Variants in TRABD2B observed in about 807,000 individuals in gnomAD.
TRABD2B encodes metalloprotease TIKI2.
In TRABD2B, 14 loss-of-function variants were observed where a neutral mutation model predicts 40.1. That is an observed-to-expected ratio of 0.35 (90% CI 0.23 to 0.55). TRABD2B has a LOEUF of 0.55. TRABD2B is among the 20% of genes least tolerant of loss of function. The pLI, the probability that TRABD2B is intolerant of heterozygous loss-of-function variation, is 0.90. For missense variants in TRABD2B, 541 were observed against 648.6 expected, an observed-to-expected ratio of 0.83 and a Z score of 1.80; for synonymous variants, 263 against 277.0, an observed-to-expected ratio of 0.95 and a Z score of 0.50.
At chr1:47,890,868 G>A (rs1028066000) in intron 2 of TRABD2B, among the ~76,000 whole-genome samples, 2 of 152,250 alleles carry the variant, frequency 1.3e-5, no homozygotes, top group African/African-American at 2.4e-5. Flanking sequence ...CAGCAGGTAG[G>A]TTGCTGTATT....
At chr1:47,860,216 ACT>A (rs755930915) in intron 2 of TRABD2B, among the ~76,000 whole-genome samples, 15 of 151,252 alleles carry the variant, frequency 9.9e-5, no homozygotes, top group Non-Finnish European at 2.1e-4. Context: ...CTCTCTTAAA[ACT>A]CTCCTTCAAA....
chr1:47,807,572 A>T (rs549078518), intron 2 of TRABD2B, among the ~76,000 whole-genome samples: 3 of 152,208 alleles, frequency 2.0e-5, no homozygotes, highest in Non-Finnish European at 4.4e-5. Flanking sequence ...CCAGTGACAG[A>T]GATGAGAACT....
chr1:47,771,428 C>T (rs142322995), intron 6 of TRABD2B, among the ~76,000 whole-genome samples: 41 of 152,290 alleles, frequency 2.7e-4, no homozygotes, highest in African/African-American at 8.9e-4. Context: ...TAGTCTCTTC[C>T]CTACACCTGG....
intron 2 of TRABD2B, among the ~76,000 whole-genome samples, chr1:47,947,551 G>C (rs945498041): frequency 1.3e-5 from 2 of 152,148 alleles, no homozygotes; most frequent in African/African-American, 2.4e-5. Flanking sequence ...GGCACTCCTA[G>C]AAAGTGTACA....
chr1:47,776,477 G>A (rs1193469463), intron 5 of TRABD2B, among the ~76,000 whole-genome samples: 1 of 152,216 alleles, frequency 6.6e-6, no homozygotes, highest in Non-Finnish European at 1.5e-5. Context: ...TGGCCGACAA[G>A]CAAATAGACC....
chr1:47,883,742 C>T (rs1039406281), intron 2 of TRABD2B, among the ~76,000 whole-genome samples: 3 of 152,350 alleles, frequency 2.0e-5, no homozygotes, highest in African/African-American at 7.2e-5. Flanking sequence ...GGATGGCAAA[C>T]GCAAACCCAC....
chr1:47,805,222 C>G (rs1226032170), intron 2 of TRABD2B, among the ~76,000 whole-genome samples: 1 of 151,946 alleles, frequency 6.6e-6, no homozygotes, highest in Admixed American at 6.5e-5. Context: ...TCCACAGGCA[C>G]AGCCCACATT....
chr1:47,840,497 C>T (rs1645381688), intron 2 of TRABD2B, among the ~76,000 whole-genome samples: 1 of 152,220 alleles, frequency 6.6e-6, no homozygotes, highest in African/African-American at 2.4e-5. Flanking sequence ...TCCTGTCCCT[C>T]CCTGGTCCAC....
intron 2 of TRABD2B, among the ~76,000 whole-genome samples, chr1:47,974,741 G>A (rs982023994): frequency 2.0e-5 from 3 of 152,160 alleles, no homozygotes; most frequent in Non-Finnish European, 2.9e-5. Flanking sequence ...TTTCCAATGT[G>A]TGCAGTATGA....
intron 2 of TRABD2B, among the ~76,000 whole-genome samples, chr1:47,972,243 A>G (rs1015291391): frequency 7.2e-5 from 11 of 152,182 alleles, no homozygotes; most frequent in Non-Finnish European, 1.5e-4. Context: ...CCCACTACCC[A>G]TGGGAGCCAC....
chr1:47,806,124 G>A (rs1396954257), intron 2 of TRABD2B, among the ~76,000 whole-genome samples: 1 of 152,248 alleles, frequency 6.6e-6, no homozygotes, highest in Non-Finnish European at 1.5e-5. Context: ...GGACTTCAGC[G>A]CGGTATGTGC....
At chr1:47,975,731 AAACAC>A (rs1305733322) in intron 2 of TRABD2B, among the ~76,000 whole-genome samples, 5 of 152,238 alleles carry the variant, frequency 3.3e-5, no homozygotes, top group African/African-American at 1.2e-4. Flanking sequence ...AAATCTGGCC[AAACAC>A]AAGACTCTTC....
intron 2 of TRABD2B, among the ~76,000 whole-genome samples, chr1:47,841,559 G>C (rs1433201233): frequency 1.3e-5 from 2 of 152,148 alleles, no homozygotes; most frequent in East Asian, 3.9e-4. Flanking sequence ...GCATGGATGG[G>C]GAGTTACACT....
chr1:47,961,945 A>G (rs1455353508), intron 2 of TRABD2B, among the ~76,000 whole-genome samples: 2 of 152,192 alleles, frequency 1.3e-5, no homozygotes, highest in Non-Finnish European at 2.9e-5. Flanking sequence ...TCACAATAGC[A>G]AAGACTTGGA....
intron 2 of TRABD2B, among the ~76,000 whole-genome samples, chr1:47,985,224 A>G (rs990852685): frequency 1.3e-5 from 2 of 152,258 alleles, no homozygotes; most frequent in Non-Finnish European, 2.9e-5. Flanking sequence ...AATGTCTGGA[A>G]GTTTTCCAGT....
intron 2 of TRABD2B, among the ~76,000 whole-genome samples, chr1:47,988,480 A>G (rs1361733506): frequency 6.6e-6 from 1 of 152,180 alleles, no homozygotes; most frequent in Non-Finnish European, 1.5e-5. Flanking sequence ...GAGGGAGAAG[A>G]GTCACAATGA....
At chr1:47,892,868 C>T (rs1198580713) in intron 2 of TRABD2B, among the ~76,000 whole-genome samples, 3 of 152,166 alleles carry the variant, frequency 2.0e-5, no homozygotes, top group African/African-American at 7.2e-5. Flanking sequence ...ACAGCAGGTA[C>T]AAATCCAGTC....
intron 2 of TRABD2B, among the ~76,000 whole-genome samples, chr1:47,847,678 T>C (rs1181847322): frequency 6.6e-6 from 1 of 152,052 alleles, no homozygotes; most frequent in African/African-American, 2.4e-5. Flanking sequence ...AAGCTCTCCC[T>C]CTCCATCCTG....
chr1:47,950,999 GC>G (rs1350780700), intron 2 of TRABD2B, among the ~76,000 whole-genome samples: 1 of 152,204 alleles, frequency 6.6e-6, no homozygotes, highest in Non-Finnish European at 1.5e-5. Context: ...CACAGAGCAG[GC>G]CTTCAATGCA....
Sources: allele counts gnomAD v4.1 joint callset (sites outside exome capture counted in the v4.1 genomes callset), GRCh38; gene constraint gnomAD v4.1.1; transcripts MANE v1.5; gene names NCBI Gene and HGNC (gene_info 2026-07-23, HGNC 2026-07-21).